Variants in MYCBP2 observed in about 807,000 individuals in gnomAD.
The protein encoded by MYCBP2 is MYC binding protein 2, also known as E3 ubiquitin-protein ligase MYCBP2.
MYCBP2 carries 120 observed loss-of-function variants against 525.3 expected under a neutral mutation model. The observed-to-expected ratio is 0.23, with a 90% CI of 0.20 to 0.27. The LOEUF is 0.27. MYCBP2 is among the 10% of genes least tolerant of loss of function. The probability of loss-of-function intolerance (pLI) is 1.00; values close to 1 mark genes in which losing one functional copy is unlikely to be tolerated. For synonymous variants in MYCBP2, 1,894 were observed against 1,955.8 expected (o/e 0.97, Z 0.83); for missense variants, 4,149 against 5,657.1 (o/e 0.73, Z 8.55).
At chr13:77,114,267 GCT>G (rs2049334920) in intron 55 of MYCBP2, among the ~76,000 whole-genome samples, 1 of 152,106 alleles carries the variant, frequency 6.6e-6, no homozygotes, top group Non-Finnish European at 1.5e-5. Context: ...AGAATAGATT[GCT>G]CTCTTTTAGA....
chr13:77,234,589 C>T (rs1223760175), intron 17 of MYCBP2, among the ~76,000 whole-genome samples: 2 of 151,852 alleles, frequency 1.3e-5, no homozygotes, highest in Non-Finnish European at 2.9e-5. Flanking sequence ...TAGAAACATG[C>T]TAATTTAATG....
chr13:77,146,180 G>A lies in MYCBP2; in HGVS notation c.7169C>T (p.Ala2390Val). 3 of 1,595,680 alleles carry A rather than the reference G, an allele frequency of 1.9e-6. No individual in the cohort carries two copies. The highest frequency in any genetic ancestry group is 2.6e-6 in the Non-Finnish European group (3 of 1,171,866). ...ENYSFEELRF[A>V]SPTPKRPSEN... ...TCCTTACCTCTTAGGAGTTGGTGAT[G>A]CAAAACGTAGTTCTTCAAATGAATA... The change falls in exon 48 of 83, where the codon GCA becomes GTA. Residue 2390 changes from alanine (A) to valine (V), a missense_variant. Ala to Val is a moderately conservative substitution (Grantham distance 64, BLOSUM62 0). Coordinates refer to ENST00000544440, the MANE Select transcript of MYCBP2 (RefSeq NM_015057.5).
chr13:77,165,924 A>C (rs1184675618), intron 41 of MYCBP2, among the ~76,000 whole-genome samples: 1 of 152,210 alleles, frequency 6.6e-6, no homozygotes. Flanking sequence ...CTCTTCACAC[A>C]AGAAAGTGGT....
chr13:77,210,394 G>A (rs930678505), intron 23 of MYCBP2, among the ~76,000 whole-genome samples: 7 of 152,038 alleles, frequency 4.6e-5, no homozygotes, highest in East Asian at 3.9e-4. Context: ...GGGTTTCACT[G>A]TGTTAGCCAG....
chr13:77,142,253 T>A (rs1464107213), intron 49 of MYCBP2, among the ~76,000 whole-genome samples: 1 of 152,234 alleles, frequency 6.6e-6, no homozygotes, highest in Non-Finnish European at 1.5e-5. Context: ...GCGTGTTTTA[T>A]TTTCACAATC....
intron 47 of MYCBP2, among the ~76,000 whole-genome samples, chr13:77,148,233 T>C (rs1231404346): frequency 6.6e-6 from 1 of 152,122 alleles, no homozygotes; most frequent in Non-Finnish European, 1.5e-5. Context: ...ATAGAATTCA[T>C]AATGAGATTA....
chr13:77,159,281 A>G (rs991998220), intron 44 of MYCBP2, among the ~76,000 whole-genome samples: 1 of 152,234 alleles, frequency 6.6e-6, no homozygotes, highest in Non-Finnish European at 1.5e-5. Flanking sequence ...TAATGCATAT[A>G]AAGTATATAA....
intron 55 of MYCBP2, among the ~76,000 whole-genome samples, chr13:77,116,509 G>A (rs1240072900): frequency 6.6e-6 from 1 of 151,744 alleles, no homozygotes; most frequent in Non-Finnish European, 1.5e-5. Context: ...TTTTTGTGAT[G>A]CTAAAGATTA....
Position 77,174,959 on chromosome 13 carries a change from T to C in MYCBP2, c.5473-470A>G, listed in dbSNP as rs918117951. 2.3e-4 allele frequency among the ~76,000 whole-genome samples: 28 copies of C among 121,044 alleles called. 1 individual carries two copies. Among genetic ancestry groups the C allele is most frequent in the African/African-American group, 9.0e-4 (26 of 28,954 alleles). The allele number at this position is 121,044 out of a possible 152,430, so 79.4% of individuals were successfully genotyped here. On this transcript the variant is annotated intron_variant, in intron 36 of 82. Coordinates refer to ENST00000544440, the MANE Select transcript of MYCBP2 (RefSeq NM_015057.5). The stretch of plus-strand genomic sequence containing the variant: ...ATATATATATTTTATATATTATATA[T>C]ATATATTTTTTTCTGAGACAGGATC...
intron 76 of MYCBP2, 57 bp downstream of exon 76, chr13:77,061,112 C>A: frequency 2.6e-6 from 4 of 1,531,016 alleles, no homozygotes; most frequent in Non-Finnish European, 3.5e-6. Context: ...TCAGTTGGCA[C>A]GGTTTAATCT....
At chr13:77,213,801 A>G (rs2064384291) in intron 21 of MYCBP2, among the ~76,000 whole-genome samples, 1 of 152,214 alleles carries the variant, frequency 6.6e-6, no homozygotes, top group Non-Finnish European at 1.5e-5. Context: ...ACACAAAAAT[A>G]TGCTGTGCAA....
At chr13:77,316,415 T>C (rs1368064091) in intron 1 of MYCBP2, among the ~76,000 whole-genome samples, 5 of 152,226 alleles carry the variant, frequency 3.3e-5, no homozygotes, top group Non-Finnish European at 7.4e-5. Context: ...GCAATGCCCA[T>C]ATTGGAACTA....
intron 82 of MYCBP2, among the ~76,000 whole-genome samples, chr13:77,049,213 C>T (rs747370005): frequency 6.6e-6 from 1 of 152,148 alleles, no homozygotes; most frequent in African/African-American, 2.4e-5. Flanking sequence ...GCATGGCTCA[C>T]ATCTCTGTTC....
chr13:77,231,608 T>C (rs1324649520), intron 18 of MYCBP2, among the ~76,000 whole-genome samples: 1 of 152,252 alleles, frequency 6.6e-6, no homozygotes, highest in African/African-American at 2.4e-5. Context: ...TTTAAATATG[T>C]AACCTTGGTT....
intron 56 of MYCBP2, 46 bp from the exon 57 acceptor site, chr13:77,096,527 TA>T: frequency 1.3e-6 from 2 of 1,594,478 alleles, no homozygotes; most frequent in Non-Finnish European, 1.7e-6. Flanking sequence ...CAAGTGTCCT[TA>T]ATAGTTTGAT....
At chr13:77,199,047 C>A (rs1317891304) in intron 26 of MYCBP2, among the ~76,000 whole-genome samples, 3 of 152,014 alleles carry the variant, frequency 2.0e-5, no homozygotes, top group African/African-American at 7.3e-5. Flanking sequence ...GGCAAGATGG[C>A]TGAATAGGAA....
At chr13:77,218,453 G>A (rs565436492) in intron 20 of MYCBP2, among the ~76,000 whole-genome samples, 3 of 152,192 alleles carry the variant, frequency 2.0e-5, no homozygotes, top group Non-Finnish European at 4.4e-5. Context: ...TATCATGAGA[G>A]GCATTAGAGC....
intron 46 of MYCBP2, among the ~76,000 whole-genome samples, chr13:77,152,133 C>A (rs1366519872): frequency 6.6e-6 from 1 of 152,186 alleles, no homozygotes; most frequent in African/African-American, 2.4e-5. Flanking sequence ...CAACGCGATT[C>A]TATGGAATCA....
chr13:77,270,476 T>C lies in MYCBP2; in HGVS notation c.1008A>G (p.Gln336=). 2 of 1,613,708 alleles carry C rather than the reference T, an allele frequency of 1.2e-6. No homozygotes were observed. The highest frequency in any genetic ancestry group is 1.7e-6 in the Non-Finnish European group (2 of 1,179,798). ...TGCCATTACTAAACCAGTCCTGAAT[T>C]TGAATTTTTCCCACCAAAACTGCTT... is the stretch of plus-strand genomic sequence containing the variant. ...SVQAVLVGKI[Q]IQDWFSNGIK... Residue 336 remains glutamine (Q), a synonymous_variant, in exon 6 of 83, where the codon CAA becomes CAG. Transcript: ENST00000544440.
Sources: allele counts gnomAD v4.1 joint callset (sites outside exome capture counted in the v4.1 genomes callset), GRCh38; gene constraint gnomAD v4.1.1; transcripts MANE v1.5; gene names NCBI Gene and HGNC (gene_info 2026-07-23, HGNC 2026-07-21).